The following YTHDF2 variants were observed in gnomAD, a reference collection of about 807,000 sequenced individuals.
YTHDF2 encodes YTH domain-containing family protein 2.
In YTHDF2, 2 loss-of-function variants were observed where a neutral mutation model predicts 50.4. The observed-to-expected ratio is 0.04, with a 90% CI of 0.02 to 0.12. The LOEUF is 0.12. Ranked by LOEUF, YTHDF2 falls within the 10% of genes least tolerant of loss-of-function variation. YTHDF2 has a pLI of 1.00. For missense variants in YTHDF2, 483 were observed against 722.6 expected (o/e 0.67, Z 3.80); for synonymous variants, 217 against 255.6 (o/e 0.85, Z 1.44).
chr1:28,759,783 C>T (rs2088087431), intron 4 of YTHDF2, among the ~76,000 whole-genome samples: 1 of 151,886 alleles, frequency 6.6e-6, no homozygotes, highest in South Asian at 2.1e-4. Flanking sequence ...TGGTGAAACC[C>T]CATCTCTACT....
intron 4 of YTHDF2, among the ~76,000 whole-genome samples, chr1:28,752,854 G>A (rs2087978056): frequency 6.6e-6 from 1 of 151,864 alleles, no homozygotes; most frequent in South Asian, 2.1e-4. Flanking sequence ...ACCAGCCTGG[G>A]CAGCATAGCG....
At chr1:28,758,213 G>A (rs951163560) in intron 4 of YTHDF2, among the ~76,000 whole-genome samples, 1 of 152,016 alleles carries the variant, frequency 6.6e-6, no homozygotes, top group Admixed American at 6.6e-5. Flanking sequence ...ATAATAAAAA[G>A]AAATTAGCCA....
At chr1:28,765,721 A>C (rs2088206281) in intron 4 of YTHDF2, among the ~76,000 whole-genome samples, 1 of 152,124 alleles carries the variant, frequency 6.6e-6, no homozygotes, top group African/African-American at 2.4e-5. Context: ...CTAAAGTGTG[A>C]GTGGCAGATG....
intron 3 of YTHDF2, 46 bp downstream of exon 3, chr1:28,738,384 TTC>T: frequency 6.9e-7 from 1 of 1,442,986 alleles, no homozygotes. Context: ...GTGTGGTATA[TTC>T]TTTCTCCGCC....
At chr1:28,746,511 G>C (rs997629638) in intron 4 of YTHDF2, among the ~76,000 whole-genome samples, 1 of 151,802 alleles carries the variant, frequency 6.6e-6, no homozygotes, top group African/African-American at 2.4e-5. Context: ...AGGCAGAGGC[G>C]GGCCGATCAC....
At chr1:28,757,925 C>T (rs1017027103) in intron 4 of YTHDF2, among the ~76,000 whole-genome samples, 3 of 152,010 alleles carry the variant, frequency 2.0e-5, no homozygotes, top group African/African-American at 7.3e-5. Context: ...CTATAAGGCG[C>T]TTGTCATATA....
intron 4 of YTHDF2, among the ~76,000 whole-genome samples, chr1:28,748,284 A>T (rs1440509247): frequency 1.3e-5 from 2 of 152,188 alleles, no homozygotes. Flanking sequence ...AACTGTTCTT[A>T]CAATCTTTAT....
At chr1:28,738,691 G>A (rs1044888801) in intron 3 of YTHDF2, among the ~76,000 whole-genome samples, 1 of 152,094 alleles carries the variant, frequency 6.6e-6, no homozygotes, top group Non-Finnish European at 1.5e-5. Context: ...CACCCGCCTT[G>A]GCCTCCCAAA....
intron 4 of YTHDF2, among the ~76,000 whole-genome samples, chr1:28,744,750 C>G (rs2124171831): frequency 6.6e-6 from 1 of 152,272 alleles, no homozygotes; most frequent in South Asian, 2.1e-4. Flanking sequence ...CCCACTCCAG[C>G]CTCCACCTTC....
At position 28,747,540 on chromosome 1, in the gene YTHDF2, C is replaced by T. The variant is rs138482266; in HGVS notation, c.1716+3554C>T. On this transcript the variant is annotated intron_variant, in intron 4 of 4. Transcript: ENST00000373812. ...AACTTGTCTAAAAAAAAAAAAAAAC[C>T]ATTCCATAAAGACTTTTTTTTTTTT... Among the ~76,000 whole-genome samples the T allele has an allele frequency of 1.1e-3, 158 of 147,960 alleles. 8 individuals carry two copies. In the East Asian group the frequency reaches 0.028, roughly 26 times the overall value.
chr1:28,748,287 A>G (rs987267831), intron 4 of YTHDF2, among the ~76,000 whole-genome samples: 3 of 152,144 alleles, frequency 2.0e-5, no homozygotes, highest in African/African-American at 7.2e-5. Flanking sequence ...TGTTCTTACA[A>G]TCTTTATTAG....
intron 2 of YTHDF2, 56 bp downstream of exon 2, chr1:28,737,738 G>A (rs999757608): frequency 1.1e-5 from 17 of 1,601,864 alleles, no homozygotes; most frequent in Admixed American, 1.0e-4. Context: ...GGGCGGTGGG[G>A]GCGGGGTCTC....
chr1:28,742,998 C>T lies in YTHDF2; in HGVS notation c.728C>T (p.Ala243Val). ...AAACCAGCATCTTGGGCTGATATTGCTAGCAAGCCTGCAAAACAGCAACCT... is the reference window on the plus strand; with the variant it reads ...AAACCAGCATCTTGGGCTGATATTGTTAGCAAGCCTGCAAAACAGCAACCT... ...PPKPASWADI[A>V]SKPAKQQPKL... is the part of the protein sequence containing the mutation. The change falls in exon 4 of 5, where the codon GCT becomes GTT. Residue 243 changes from alanine (A) to valine (V), a missense_variant. Coordinates refer to ENST00000373812, the MANE Select transcript of YTHDF2 (RefSeq NM_016258.3). 2 of 1,614,138 alleles carry T rather than the reference C, an allele frequency of 1.2e-6. No homozygotes were observed. Among genetic ancestry groups the T allele is most frequent in the Non-Finnish European group, 1.7e-6 (2 of 1,180,000 alleles).
chr1:28,747,163 G>A (rs566552683), intron 4 of YTHDF2, among the ~76,000 whole-genome samples: 1 of 152,198 alleles, frequency 6.6e-6, no homozygotes, highest in Non-Finnish European at 1.5e-5. Context: ...AATTGAACTT[G>A]ATATGTAGGT....
At chr1:28,762,248 C>T (rs1267404085) in intron 4 of YTHDF2, among the ~76,000 whole-genome samples, 1 of 151,910 alleles carries the variant, frequency 6.6e-6, no homozygotes, top group African/African-American at 2.4e-5. Flanking sequence ...AAAAATTAGC[C>T]GGGCATGGTG....
In YTHDF2 at chr1:28,742,867, T is replaced by C. The variant is rs2087800073; in HGVS notation, c.597T>C (p.Val199=). ...CACTGAAGTTGGGTAGCACAGAAGT[T>C]GCAAGCAATGTTCCAAAAGTTGTAG... ...MAALKLGSTE[V]ASNVPKVVGS... The change falls in exon 4 of 5, where the codon GTT becomes GTC. Residue 199 remains valine (V), a synonymous_variant. Transcript: ENST00000373812. The C allele has an allele frequency of 6.2e-7, 1 of 1,614,100 alleles. No individual in the cohort carries two copies. Among genetic ancestry groups the C allele is most frequent in the East Asian group, 2.2e-5 (1 of 44,884 alleles).
At chr1:28,740,240 G>A (rs1477630279) in intron 3 of YTHDF2, 3 of 152,160 alleles carry the variant, frequency 2.0e-5, no homozygotes, top group Non-Finnish European at 4.4e-5. Flanking sequence ...GGGAGAGTTG[G>A]AGCATTTAGA....
rs761584167 is a variant in YTHDF2 at position 28,743,713 on chromosome 1, A to C, written c.1443A>C (p.Thr481=). ...AEMKSAVDYN[T]CAGVWSQDKW... ...TGAAATCTGCTGTGGACTACAACAC[A>C]TGTGCAGGTGTGTGGTCCCAGGACA... Residue 481 remains threonine, a synonymous_variant, in exon 4 of 5, where the codon ACA becomes ACC. Coordinates refer to ENST00000373812, the MANE Select transcript of YTHDF2 (RefSeq NM_016258.3). This position sits in a 1 kb window ranked among gnomAD's most constrained non-coding sequence, Gnocchi z 6.9. The C allele has an allele frequency of 2.0e-5, 32 of 1,614,082 alleles. No homozygotes were observed. The East Asian group carries it at 6.5e-4, about 33-fold the overall frequency.
chr1:28,756,066 G>A (rs988182945), intron 4 of YTHDF2, among the ~76,000 whole-genome samples: 1 of 152,094 alleles, frequency 6.6e-6, no homozygotes, highest in Non-Finnish European at 1.5e-5. Flanking sequence ...TTTGATCTCC[G>A]TACTTCATTC....
Sources: allele counts gnomAD v4.1 joint callset (sites outside exome capture counted in the v4.1 genomes callset), GRCh38; gene constraint gnomAD v4.1.1; non-coding constraint Gnocchi (gnomAD v3.1); transcripts MANE v1.5; gene names NCBI Gene and HGNC (gene_info 2026-07-23, HGNC 2026-07-21).